MBTD1: variants seen among roughly 807,000 people sequenced by gnomAD.
MBTD1 encodes the protein mbt domain containing 1.
MBTD1 carries 24 observed loss-of-function variants against 87.8 expected under a neutral mutation model. That is an observed-to-expected ratio of 0.27 (90% confidence interval 0.20 to 0.38). The LOEUF (loss-of-function observed/expected upper bound fraction) is 0.38. Ranked by LOEUF, MBTD1 falls within the 10% of genes least tolerant of loss-of-function variation. The pLI, the probability that MBTD1 is intolerant of heterozygous loss-of-function variation, is 1.00. For missense variants in MBTD1, 436 were observed against 760.2 expected, an observed-to-expected ratio of 0.57 and a Z score of 5.02; for synonymous variants, 237 against 248.6, an observed-to-expected ratio of 0.95 and a Z score of 0.44.
intron 14 of MBTD1, 86 bp downstream of exon 14, chr17:51,193,342 C>G (rs1299424605): frequency 4.5e-6 from 4 of 891,640 alleles, no homozygotes; most frequent in Non-Finnish European, 7.0e-6. Flanking sequence ...AATTCTAATA[C>G]AAGGCAAAGA....
At position 51,237,280 on chromosome 17, in the gene MBTD1, T is replaced by C. The variant is rs573961598; in HGVS notation, c.-48-12071A>G. Among the ~76,000 whole-genome samples, 6 of 132,030 alleles carry C rather than the reference T, an allele frequency of 4.5e-5. No homozygotes were observed. In the South Asian group the frequency reaches 1.4e-3, roughly 30 times the overall value. 86.6% of individuals were successfully genotyped at this position (132,030 alleles called of 152,430 possible). A position where few individuals can be genotyped will look rare whatever the true frequency, so the allele number is the denominator to read the frequency against. ...CATTGCACTCCAGCCTGGGTGATGG[T>C]GTGAGACTCCATCTCAAAAAAAAAA... On this transcript the variant is annotated intron_variant, in intron 2 of 16. Coordinates refer to ENST00000586178, the MANE Select transcript of MBTD1 (RefSeq NM_017643.3).
chr17:51,260,956 C>A (rs1363104427), upstream of MBTD1: 3 of 1,466,718 alleles, frequency 2.0e-6, no homozygotes, highest in Admixed American at 2.8e-5. Context: ...GCGGGCTGGG[C>A]GCACTCGGGC....
chr17:51,255,544 A>G (rs1357771255), intron 2 of MBTD1, among the ~76,000 whole-genome samples: 1 of 152,180 alleles, frequency 6.6e-6, no homozygotes, highest in Admixed American at 6.5e-5. Flanking sequence ...AATCTCTAGC[A>G]AATTTTAAAG....
Position 51,250,007 on chromosome 17 carries a change from A to C in MBTD1, c.-49+9136T>G, listed in dbSNP as rs1339481198. 3 of 152,034 alleles carry C rather than the reference A, an allele frequency of 2.0e-5. No individual in the cohort carries two copies. In the East Asian group the frequency reaches 5.8e-4, roughly 29 times the overall value. 9.4% of individuals were successfully genotyped at this position (152,034 alleles called of 1,614,324 possible). Reference sequence around the variant, plus strand: ...CCTCCTGGGCTCAAATGATCCTCCTACTTCAGCCTCCTGAGTAGTTGGGAC... The same window carrying C: ...CCTCCTGGGCTCAAATGATCCTCCTCCTTCAGCCTCCTGAGTAGTTGGGAC... On this transcript the variant is annotated intron_variant, in intron 2 of 16. Coordinates refer to ENST00000586178, the MANE Select transcript of MBTD1 (RefSeq NM_017643.3).
chr17:51,202,603 C>T lies in MBTD1; in HGVS notation c.1063+98G>A, dbSNP rs193055601. 1.7e-4 allele frequency: 153 copies of T among 895,008 alleles called. No homozygotes were observed. The African/African-American group carries it at 2.3e-3, about 13-fold the overall frequency. 55.4% of individuals were successfully genotyped at this position (895,008 alleles called of 1,614,324 possible). A position where few individuals can be genotyped will look rare whatever the true frequency, so the allele number is the denominator to read the frequency against. On this transcript the variant is annotated intron_variant, in intron 10 of 16. Coordinates refer to ENST00000586178, the MANE Select transcript of MBTD1 (RefSeq NM_017643.3). The stretch of plus-strand genomic sequence containing the variant: ...AGAAGCAGCCCAAACAACTAGAATG[C>T]TATTTTTCATCTATGCAATTCTGCA...
chr17:51,205,601 C>CAA (rs1261143133), intron 7 of MBTD1, among the ~76,000 whole-genome samples: 1 of 152,092 alleles, frequency 6.6e-6, no homozygotes, highest in Non-Finnish European at 1.5e-5. Flanking sequence ...GACACTCTTG[C>CAA]AAGAGTAACC....
rs1409282803 is a variant in MBTD1, at chr17:51,259,998, C to T, written c.-276G>A. The T allele has an allele frequency of 5.1e-6, 3 of 589,184 alleles. No individual in the cohort carries two copies. The highest frequency in any genetic ancestry group is 7.5e-6 in the Non-Finnish European group (3 of 401,428). 36.5% of individuals were successfully genotyped at this position (589,184 alleles called of 1,614,324 possible). A position where few individuals can be genotyped will look rare whatever the true frequency, so the allele number is the denominator to read the frequency against. On this transcript the variant is annotated 5_prime_UTR_variant, in exon 1 of 17. Coordinates refer to ENST00000586178, the MANE Select transcript of MBTD1 (RefSeq NM_017643.3). Reference sequence around the variant, plus strand: ...CCCAGACCGGTGGCGGGTGCAGCAGCCCCCGGATTTCCCCCCTTTAACTCG... The same window carrying T: ...CCCAGACCGGTGGCGGGTGCAGCAGTCCCCGGATTTCCCCCCTTTAACTCG...
At chr17:51,249,272 CTTGA>C (rs938857850) in intron 2 of MBTD1, among the ~76,000 whole-genome samples, 36 of 151,912 alleles carry the variant, frequency 2.4e-4, no homozygotes, top group African/African-American at 8.0e-4. Flanking sequence ...GCAGTATATT[CTTGA>C]TTATTAGGGA....
In MBTD1 at chr17:51,232,069, A is replaced by C. The variant is rs143595287; in HGVS notation, c.-48-6860T>G. On this transcript the variant is annotated intron_variant, in intron 2 of 16. Coordinates refer to ENST00000586178, the MANE Select transcript of MBTD1 (RefSeq NM_017643.3). ...GAAAGAAGTTGATTATACTCAAAAG[A>C]CCTATGAGGGAGCATTTCAGGTCCA... Among the ~76,000 whole-genome samples the C allele has an allele frequency of 9.8e-3, 1,490 of 151,334 alleles. 23 individuals carry two copies. The highest frequency in any genetic ancestry group is 0.034 in the African/African-American group (1,417 of 41,234).
chr17:51,237,546 A>C (rs2053919384), intron 2 of MBTD1, among the ~76,000 whole-genome samples: 1 of 152,200 alleles, frequency 6.6e-6, no homozygotes, highest in Non-Finnish European at 1.5e-5. Context: ...TCAAAGATAT[A>C]CAGATGGCAA....
intron 12 of MBTD1, among the ~76,000 whole-genome samples, chr17:51,197,103 T>C (rs1269036472): frequency 9.9e-5 from 3 of 30,256 alleles, no homozygotes; most frequent in African/African-American, 1.6e-4. Flanking sequence ...TATATATATA[T>C]ATATATATAT....
intron 12 of MBTD1, among the ~76,000 whole-genome samples, chr17:51,198,413 C>T (rs1166777335): frequency 6.6e-6 from 1 of 152,096 alleles, no homozygotes; most frequent in Non-Finnish European, 1.5e-5. Context: ...CCCCCAAGTT[C>T]CTTTCTCTCG....
chr17:51,210,588 T>C (rs1406158758), intron 6 of MBTD1, among the ~76,000 whole-genome samples: 1 of 151,848 alleles, frequency 6.6e-6, no homozygotes, highest in Non-Finnish European at 1.5e-5. Context: ...AAATCCTGTC[T>C]CTATTAAAAA....
upstream of MBTD1, chr17:51,260,934 A>G: frequency 6.5e-7 from 1 of 1,538,320 alleles, no homozygotes. Context: ...AGGGTGAGGG[A>G]GGCCGCGGCG....
At chr17:51,235,096 T>C (rs539102597) in intron 2 of MBTD1, among the ~76,000 whole-genome samples, 27 of 152,222 alleles carry the variant, frequency 1.8e-4, no homozygotes, top group African/African-American at 6.0e-4. Context: ...ATAAAGCAAT[T>C]AGAAGAAAAC....
chr17:51,232,484 AT>A (rs1352933827), intron 2 of MBTD1, among the ~76,000 whole-genome samples: 2 of 152,208 alleles, frequency 1.3e-5, no homozygotes, highest in African/African-American at 4.8e-5. Flanking sequence ...AATAAGAAAA[AT>A]ATTATTGAAA....
intron 2 of MBTD1, among the ~76,000 whole-genome samples, chr17:51,235,436 C>A (rs529059444): frequency 2.1e-4 from 32 of 152,226 alleles, no homozygotes; most frequent in African/African-American, 7.7e-4. Context: ...TTATGCCCAG[C>A]TAGATGAAAA....
At chr17:51,206,845 G>A in intron 7 of MBTD1, 43 bp downstream of exon 7, 1 of 1,289,208 alleles carries the variant, frequency 7.8e-7, no homozygotes, top group Non-Finnish European at 1.1e-6. Flanking sequence ...AAGGTTACAA[G>A]GATCTCTGCA....
rs752759618 is a variant in MBTD1, at chr17:51,195,328, C to T, written c.1258G>A (p.Asp420Asn). ...GATCCGTCTGCTGCTTCTGAGCCAT[C>T]GATCCCAATCATCAGGAATCCGTCA... ...LADGFLMIGI[D>N]GSEAADGSDW... The change falls in exon 13 of 17, where the codon GAT becomes AAT. Residue 420 changes from aspartate (D) to asparagine (N), a missense_variant. Around this residue, in one of 5 missense-constraint regions of MBTD1, gnomAD observed 268 missense variants for 401.8 expected, o/e 0.67. Coordinates refer to ENST00000586178, the MANE Select transcript of MBTD1 (RefSeq NM_017643.3). 2.5e-6 allele frequency: 4 copies of T among 1,609,800 alleles called. No individual in the cohort carries two copies. The highest frequency in any genetic ancestry group is 1.1e-5 in the South Asian group (1 of 90,248).
Sources: allele counts gnomAD v4.1 joint callset (sites outside exome capture counted in the v4.1 genomes callset), GRCh38; gene constraint gnomAD v4.1.1; regional missense constraint gnomAD v4.1.1; transcripts MANE v1.5; gene names NCBI Gene and HGNC (gene_info 2026-07-23, HGNC 2026-07-21).